The following THSD7B variants were observed in gnomAD, a reference collection of about 807,000 sequenced individuals.
The protein encoded by THSD7B is thrombospondin type 1 domain containing 7B, also known as thrombospondin type-1 domain-containing protein 7B.
A neutral mutation model predicts 213.6 loss-of-function variants in THSD7B; 138 were observed. That is an observed-to-expected ratio of 0.65 (90% CI 0.56 to 0.74). THSD7B has a LOEUF of 0.74. Ranked by LOEUF, THSD7B falls within the 30% of genes least tolerant of loss-of-function variation. THSD7B has a pLI of 0.00. For missense variants in THSD7B, 1,931 were observed against 1,991.5 expected (o/e 0.97, Z 0.58); for synonymous variants, 742 against 687.0 (o/e 1.08, Z -1.25).
chr2:137,143,836 A>C (rs1679638919), intron 5 of THSD7B, among the ~76,000 whole-genome samples: 1 of 152,072 alleles, frequency 6.6e-6, no homozygotes, highest in Admixed American at 6.6e-5. Context: ...GTTCTTCCAT[A>C]TACTGTATTT....
Position 137,560,901 on chromosome 2 carries a change from C to T in THSD7B, c.3139-2320C>T, listed in dbSNP as rs79189021. On this transcript the variant is annotated intron_variant, in intron 15 of 27. Transcript: ENST00000409968. ...GGACTGTGACTGCATCCCAAAGAAA[C>T]ACTAACTGGGGTCAGAGGAAGAGCC... 2.2e-3 allele frequency among the ~76,000 whole-genome samples: 332 copies of T among 152,172 alleles called. 1 individual carries two copies. Among genetic ancestry groups the T allele is most frequent in the African/African-American group, 7.7e-3 (321 of 41,542 alleles).
intron 1 of THSD7B, among the ~76,000 whole-genome samples, chr2:136,862,695 T>A (rs1022418465): frequency 3.9e-5 from 6 of 152,192 alleles, no homozygotes; most frequent in Non-Finnish European, 2.9e-5. Flanking sequence ...TTGAGTGTTG[T>A]GGAGAAGTTC....
intron 27 of THSD7B, among the ~76,000 whole-genome samples, chr2:137,668,750 G>A (rs1283091685): frequency 1.3e-5 from 2 of 152,008 alleles, no homozygotes; most frequent in African/African-American, 4.8e-5. Flanking sequence ...GAATTATATA[G>A]TATATTCTTA....
At chr2:137,632,598 T>C (rs895102879) in intron 20 of THSD7B, among the ~76,000 whole-genome samples, 4 of 152,242 alleles carry the variant, frequency 2.6e-5, no homozygotes, top group South Asian at 4.1e-4. Context: ...TTGTTGAAAA[T>C]AGAACTGGAG....
chr2:137,216,464 G>T (rs1681245510), intron 7 of THSD7B, among the ~76,000 whole-genome samples: 1 of 151,882 alleles, frequency 6.6e-6, no homozygotes, highest in Non-Finnish European at 1.5e-5. Context: ...GTTTTGACAG[G>T]CTTGAGATTT....
chr2:137,164,629 C>T (rs1355583387), intron 6 of THSD7B, among the ~76,000 whole-genome samples: 2 of 152,108 alleles, frequency 1.3e-5, no homozygotes, highest in Non-Finnish European at 2.9e-5. Flanking sequence ...TGGAACCAAC[C>T]CAAATGTCCA....
chr2:137,056,066 A>C (rs765239265), intron 2 of THSD7B, among the ~76,000 whole-genome samples: 1 of 152,238 alleles, frequency 6.6e-6, no homozygotes, highest in African/African-American at 2.4e-5. Flanking sequence ...CGTAGTAGTT[A>C]TAATGGTACC....
At chr2:137,118,568 A>C (rs1688485269) in intron 5 of THSD7B, among the ~76,000 whole-genome samples, 1 of 152,174 alleles carries the variant, frequency 6.6e-6, no homozygotes, top group Admixed American at 6.5e-5. Context: ...ATTTTCTAAA[A>C]TATATATATT....
intron 4 of THSD7B, among the ~76,000 whole-genome samples, chr2:137,104,839 C>A (rs1248625063): frequency 6.6e-6 from 1 of 151,990 alleles, no homozygotes; most frequent in Non-Finnish European, 1.5e-5. Context: ...ACACTTACAC[C>A]CTCCCAAGAC....
At chr2:137,386,967 A>G (rs767526212) in intron 12 of THSD7B, among the ~76,000 whole-genome samples, 7 of 152,204 alleles carry the variant, frequency 4.6e-5, no homozygotes, top group Non-Finnish European at 8.8e-5. Flanking sequence ...AGATAATTTT[A>G]CATTTGTGCC....
chr2:136,800,036 A>C (rs1682147743), intron 1 of THSD7B, among the ~76,000 whole-genome samples: 1 of 152,038 alleles, frequency 6.6e-6, no homozygotes, highest in South Asian at 2.1e-4. Context: ...CTCTAGGGGG[A>C]ATAAGAAATA....
In THSD7B at chr2:137,212,792, T is replaced by G. The variant is rs563670753; in HGVS notation, c.1724-18252T>G. Among the ~76,000 whole-genome samples, 3 of 152,148 alleles carry G rather than the reference T, an allele frequency of 2.0e-5. No individual in the cohort carries two copies. In the East Asian group the frequency reaches 5.8e-4, roughly 29 times the overall value. On this transcript the variant is annotated intron_variant, in intron 7 of 27. Transcript: ENST00000409968. ...CTCTTTAATATGTGAAAACATGCAC[T>G]GAGTCTTGAGGATGGCTCCAGGACA... is the stretch of plus-strand genomic sequence containing the variant.
intron 7 of THSD7B, among the ~76,000 whole-genome samples, chr2:137,218,982 GAA>G (rs5834540): frequency 2.0e-5 from 3 of 149,734 alleles, no homozygotes; most frequent in Admixed American, 6.7e-5. Context: ...CTGAGTTTGT[GAA>G]AAAAAAAATA....
chr2:137,348,229 TCTAGATGCAGATTA>T (rs1684922141), intron 12 of THSD7B, among the ~76,000 whole-genome samples: 1 of 151,718 alleles, frequency 6.6e-6, no homozygotes, highest in African/African-American at 2.4e-5. Flanking sequence ...CACTGTACTC[TCTAGATGCAGATTA>T]CACAAGGTGG....
intron 6 of THSD7B, among the ~76,000 whole-genome samples, chr2:137,166,692 A>G (rs1680137305): frequency 6.6e-6 from 1 of 152,100 alleles, no homozygotes; most frequent in Non-Finnish European, 1.5e-5. Context: ...GTTGGAAAAT[A>G]CTCTCATGTT....
At chr2:137,148,090 G>A (rs1449551998) in intron 5 of THSD7B, among the ~76,000 whole-genome samples, 2 of 152,082 alleles carry the variant, frequency 1.3e-5, no homozygotes, top group Admixed American at 1.3e-4. Flanking sequence ...CCTGGTAGCA[G>A]GTAATTGAAC....
chr2:136,816,525 T>C (rs767659019), intron 1 of THSD7B, among the ~76,000 whole-genome samples: 1 of 152,240 alleles, frequency 6.6e-6, no homozygotes, highest in Non-Finnish European at 1.5e-5. Context: ...ATCTCTGTTC[T>C]TGAAGTTTTT....
intron 5 of THSD7B, among the ~76,000 whole-genome samples, chr2:137,158,062 T>C (rs1049918118): frequency 3.3e-5 from 5 of 152,216 alleles, no homozygotes; most frequent in African/African-American, 1.2e-4. Context: ...TCTGTTAAAA[T>C]ACTGCTTGAT....
chr2:137,558,534 C>G (rs1164759227), intron 15 of THSD7B, among the ~76,000 whole-genome samples: 1 of 152,258 alleles, frequency 6.6e-6, no homozygotes. Flanking sequence ...TAAAAACTCT[C>G]AATAAACTAG....
Sources: gnomAD v4.1 joint callset for allele counts (sites outside exome capture counted in the v4.1 genomes callset) on GRCh38, gnomAD v4.1.1 for gene constraint, MANE v1.5 for transcripts, NCBI Gene and HGNC (gene_info 2026-07-23, HGNC 2026-07-21) for gene names.